The following RIMS2 variants were observed in gnomAD, a reference collection of about 807,000 sequenced individuals.
RIMS2 encodes the protein regulating synaptic membrane exocytosis 2, also known as regulating synaptic membrane exocytosis protein 2.
Under a neutral mutation model 174.4 loss-of-function variants are expected in RIMS2, and 59 were observed. That is an observed-to-expected ratio of 0.34 (90% CI 0.27 to 0.42). The LOEUF (loss-of-function observed/expected upper bound fraction) is 0.42. Ranked by LOEUF, RIMS2 falls within the 10% of genes least tolerant of loss-of-function variation. The pLI is 1.00. For synonymous variants in RIMS2, 606 were observed against 572.5 expected (o/e 1.06, Z -0.84); for missense variants, 1,620 against 1,666.3 (o/e 0.97, Z 0.48).
At chr8:103,663,130 C>G (rs1209241183) in intron 1 of RIMS2, among the ~76,000 whole-genome samples, 1 of 151,694 alleles carries the variant, frequency 6.6e-6, no homozygotes. Flanking sequence ...GATTACACCA[C>G]TGCACCCTAG....
At chr8:103,783,631 T>C (rs1472160498) in intron 3 of RIMS2, among the ~76,000 whole-genome samples, 5 of 152,070 alleles carry the variant, frequency 3.3e-5, no homozygotes, top group East Asian at 1.9e-4. Context: ...TATTCCATGG[T>C]GTATATGTGC....
At chr8:104,095,183 T>C (rs2097735903) in intron 19 of RIMS2, among the ~76,000 whole-genome samples, 1 of 152,156 alleles carries the variant, frequency 6.6e-6, no homozygotes, top group African/African-American at 2.4e-5. Context: ...ACAAGAAATA[T>C]TATTTCCTGG....
intron 19 of RIMS2, among the ~76,000 whole-genome samples, chr8:104,069,442 A>G (rs2097159012): frequency 6.6e-6 from 1 of 151,354 alleles, no homozygotes; most frequent in African/African-American, 2.4e-5. Context: ...AAGGGAGGAA[A>G]TAAAGTATTA....
intron 10 of RIMS2, chr8:103,922,099 A>G (rs1595196773): frequency 1.1e-5 from 2 of 179,364 alleles, no homozygotes; most frequent in South Asian, 2.3e-4. Context: ...ATAAATTGTC[A>G]TAGATTTTTA....
In RIMS2 at chr8:103,887,612, A is replaced by G. The variant is rs543365818; in HGVS notation, c.1624+1389A>G. ...GTATCATACCAACCTCCTACCCCCA[A>G]TTTCCTTATACTATTTGATGAATAG... On this transcript the variant is annotated intron_variant, in intron 4 of 23. Transcript: ENST00000504942. 2.4e-4 allele frequency among the ~76,000 whole-genome samples: 37 copies of G among 151,622 alleles called. 2 individuals carry two copies. Among genetic ancestry groups the G allele is most frequent in the Admixed American group, 2.4e-3 (36 of 15,174 alleles).
At chr8:104,218,941 A>C (rs1041763861) in intron 19 of RIMS2, among the ~76,000 whole-genome samples, 32 of 152,242 alleles carry the variant, frequency 2.1e-4, no homozygotes, top group African/African-American at 7.2e-4. Flanking sequence ...TCCATGGTCT[A>C]GACATGATAG....
chr8:104,169,649 T>C (rs745587956), intron 19 of RIMS2, among the ~76,000 whole-genome samples: 4 of 152,002 alleles, frequency 2.6e-5, no homozygotes, highest in Non-Finnish European at 5.9e-5. Flanking sequence ...TATTTATCTT[T>C]TGTATTTTTT....
At chr8:103,665,275 T>C (rs2096654682) in intron 1 of RIMS2, among the ~76,000 whole-genome samples, 1 of 152,224 alleles carries the variant, frequency 6.6e-6, no homozygotes, top group African/African-American at 2.4e-5. Flanking sequence ...TAAAGTATAA[T>C]GAAAAAATGT....
intron 3 of RIMS2, among the ~76,000 whole-genome samples, chr8:103,786,949 G>T (rs1167183050): frequency 1.3e-5 from 2 of 151,540 alleles, no homozygotes; most frequent in Non-Finnish European, 2.9e-5. Context: ...ATGAATCTGG[G>T]TGCTCCTATA....
At chr8:103,636,085 C>G (rs7841574) in intron 1 of RIMS2, among the ~76,000 whole-genome samples, 1 of 152,130 alleles carries the variant, frequency 6.6e-6, no homozygotes, top group African/African-American at 2.4e-5. Context: ...AAGGCTGGAA[C>G]GGCTAAGATG....
intron 3 of RIMS2, among the ~76,000 whole-genome samples, chr8:103,872,665 T>G (rs1356686129): frequency 6.6e-6 from 1 of 152,230 alleles, no homozygotes; most frequent in Non-Finnish European, 1.5e-5. Context: ...TTATAGGTAG[T>G]AGCACCACAT....
chr8:103,926,857 A>C (rs1020418100), intron 10 of RIMS2, among the ~76,000 whole-genome samples: 4 of 151,568 alleles, frequency 2.6e-5, no homozygotes, highest in Admixed American at 2.0e-4. Flanking sequence ...CTGTTTCAAC[A>C]TGAAAACAAA....
intron 1 of RIMS2, among the ~76,000 whole-genome samples, chr8:103,681,356 G>A (rs2136701206): frequency 6.6e-6 from 1 of 152,090 alleles, no homozygotes; most frequent in South Asian, 2.1e-4. Context: ...AAAATAAATG[G>A]AAATAAGTAA....
intron 1 of RIMS2, among the ~76,000 whole-genome samples, chr8:103,693,344 A>G (rs1054363603): frequency 1.5e-4 from 23 of 152,196 alleles, no homozygotes; most frequent in Admixed American, 3.9e-4. Context: ...AAAACGAGGT[A>G]CTGTAATTGC....
At chr8:103,582,852 C>T (rs2093692794) in intron 1 of RIMS2, among the ~76,000 whole-genome samples, 1 of 152,196 alleles carries the variant, frequency 6.6e-6, no homozygotes, top group Non-Finnish European at 1.5e-5. Context: ...CACCTGGGGC[C>T]TGGGGGACCT....
At chr8:103,646,889 A>G (rs1207226884) in intron 1 of RIMS2, among the ~76,000 whole-genome samples, 1 of 152,212 alleles carries the variant, frequency 6.6e-6, no homozygotes, top group Non-Finnish European at 1.5e-5. Flanking sequence ...GAGTGGTAGG[A>G]GAAAGCATCC....
At chr8:103,870,060 A>G (rs1164960989) in intron 3 of RIMS2, among the ~76,000 whole-genome samples, 1 of 150,838 alleles carries the variant, frequency 6.6e-6, no homozygotes, top group African/African-American at 2.4e-5. Flanking sequence ...GAAATTGTTT[A>G]TGTGTACTAG....
At chr8:103,588,439 C>A (rs1406612911) in intron 1 of RIMS2, among the ~76,000 whole-genome samples, 1 of 151,852 alleles carries the variant, frequency 6.6e-6, no homozygotes, top group Non-Finnish European at 1.5e-5. Context: ...ATAAAAGACC[C>A]AGAGTAGCCA....
At chr8:103,968,514 C>A (rs544579685) in intron 15 of RIMS2, among the ~76,000 whole-genome samples, 55 of 146,714 alleles carry the variant, frequency 3.7e-4, no homozygotes, top group African/African-American at 1.2e-3. Flanking sequence ...CTTTTTCTTA[C>A]CTTTTTTTTT....
Sources: allele counts gnomAD v4.1 joint callset (sites outside exome capture counted in the v4.1 genomes callset), GRCh38; gene constraint gnomAD v4.1.1; transcripts MANE v1.5; gene names NCBI Gene and HGNC (gene_info 2026-07-23, HGNC 2026-07-21).